Variants in PAPPA2 observed in about 807,000 individuals in gnomAD.
The protein encoded by PAPPA2 is pappalysin-2.
PAPPA2 carries 86 observed loss-of-function variants against 176.4 expected under a neutral mutation model. The ratio of observed to expected loss-of-function variants is 0.49; its 90% CI spans 0.41 to 0.58. The LOEUF is 0.58. Ranked by LOEUF, PAPPA2 falls within the 20% of genes least tolerant of loss-of-function variation. The pLI is 0.00. For missense variants in PAPPA2, 2,073 were observed against 2,256.9 expected (o/e 0.92, Z 1.65); for synonymous variants, 809 against 852.2 (o/e 0.95, Z 0.88).
At chr1:176,807,245 C>T (rs774385776) in intron 21 of PAPPA2, among the ~76,000 whole-genome samples, 7 of 152,124 alleles carry the variant, frequency 4.6e-5, no homozygotes, top group Non-Finnish European at 1.0e-4. Context: ...TCTCATAGAA[C>T]AGTGACAGGC....
chr1:176,675,170 G>T (rs1659225874), intron 4 of PAPPA2, among the ~76,000 whole-genome samples: 1 of 152,116 alleles, frequency 6.6e-6, no homozygotes, highest in African/African-American at 2.4e-5. Flanking sequence ...TTTGGAGGAA[G>T]TTTATCTGCC....
chr1:176,587,057 A>T lies in PAPPA2; in HGVS notation c.920-7467A>T, dbSNP rs138581832. Among the ~76,000 whole-genome samples the T allele has an allele frequency of 5.6e-3, 851 of 151,404 alleles. 13 individuals carry two copies. Among genetic ancestry groups the T allele is most frequent in the African/African-American group, 0.019 (797 of 41,310 alleles). ...GATCAGTGATGTTGAGCTTTTTTTC[A>T]TATGTTTGTTGGCCACTTAAATGTC... On this transcript the variant is annotated intron_variant, in intron 2 of 22. Transcript: ENST00000367662.
At chr1:176,613,919 A>G (rs1472349476) in intron 3 of PAPPA2, among the ~76,000 whole-genome samples, 2 of 152,200 alleles carry the variant, frequency 1.3e-5, no homozygotes, top group Non-Finnish European at 2.9e-5. Flanking sequence ...GTGACCAAAC[A>G]GCATCTCTTT....
chr1:176,480,109 G>A (rs993529359), intron 1 of PAPPA2, among the ~76,000 whole-genome samples: 2 of 152,142 alleles, frequency 1.3e-5, no homozygotes, highest in Admixed American at 6.5e-5. Context: ...GAAGCCGGCT[G>A]GTGGGGGAGG....
rs150851507 is a variant in PAPPA2 at position 176,614,361 on chromosome 1, G to C, written c.1991+18766G>C. 2.0e-3 allele frequency among the ~76,000 whole-genome samples: 307 copies of C among 152,296 alleles called. 3 individuals carry two copies. Among genetic ancestry groups the C allele is most frequent in the African/African-American group, 7.2e-3 (301 of 41,548 alleles). ...ATTGAAGCTAACTTAATTGGGCCACGTACTGTCTTGTAGCAGGATCTGGTG... is the reference window on the plus strand; with the variant it reads ...ATTGAAGCTAACTTAATTGGGCCACCTACTGTCTTGTAGCAGGATCTGGTG... On this transcript the variant is annotated intron_variant, in intron 3 of 22. Coordinates refer to ENST00000367662, the MANE Select transcript of PAPPA2 (RefSeq NM_020318.3).
intron 14 of PAPPA2, among the ~76,000 whole-genome samples, chr1:176,752,859 G>A (rs1454946403): frequency 2.6e-5 from 4 of 152,206 alleles, no homozygotes; most frequent in East Asian, 1.9e-4. Context: ...CTAGTGACAC[G>A]AAAGATGTCT....
intron 1 of PAPPA2, among the ~76,000 whole-genome samples, chr1:176,544,714 C>A (rs1024628175): frequency 6.6e-6 from 1 of 152,156 alleles, no homozygotes; most frequent in African/African-American, 2.4e-5. Context: ...TTGCTCTCCC[C>A]CAACTTTCAG....
chr1:176,829,152 C>T (rs1051783474), intron 21 of PAPPA2, among the ~76,000 whole-genome samples: 1 of 152,196 alleles, frequency 6.6e-6, no homozygotes, highest in Non-Finnish European at 1.5e-5. Context: ...GGCTTGTCAA[C>T]TGCTGTGCTT....
At chr1:176,605,415 G>A (rs180839517) in intron 3 of PAPPA2, among the ~76,000 whole-genome samples, 115 of 152,256 alleles carry the variant, frequency 7.6e-4, no homozygotes, top group African/African-American at 2.6e-3. Flanking sequence ...AGAGACTGTG[G>A]CATTCAGGAA....
intron 14 of PAPPA2, among the ~76,000 whole-genome samples, chr1:176,754,902 C>T (rs181168529): frequency 2.4e-3 from 368 of 152,280 alleles, no homozygotes; most frequent in African/African-American, 8.6e-3. Context: ...CATAGCACTG[C>T]AGGCAGAGGA....
At chr1:176,676,606 A>G (rs535044777) in intron 4 of PAPPA2, among the ~76,000 whole-genome samples, 1 of 152,250 alleles carries the variant, frequency 6.6e-6, no homozygotes, top group African/African-American at 2.4e-5. Context: ...AGGTTGAGAA[A>G]AGTATAGATG....
intron 1 of PAPPA2, among the ~76,000 whole-genome samples, chr1:176,551,986 A>G (rs1650981960): frequency 6.6e-6 from 1 of 152,134 alleles, no homozygotes; most frequent in Non-Finnish European, 1.5e-5. Context: ...GAAGCCTTGC[A>G]ATCGGATTTT....
At chr1:176,667,625 G>A (rs979580170) in intron 3 of PAPPA2, among the ~76,000 whole-genome samples, 11 of 152,160 alleles carry the variant, frequency 7.2e-5, no homozygotes, top group Non-Finnish European at 1.5e-4. Flanking sequence ...AAGAGGCAGT[G>A]CAGTCAGGCT....
intron 21 of PAPPA2, among the ~76,000 whole-genome samples, chr1:176,828,310 C>T (rs780672182): frequency 1.8e-4 from 28 of 152,114 alleles, no homozygotes; most frequent in Admixed American, 2.6e-4. Flanking sequence ...CCTTGTAGTA[C>T]ACACCACACA....
intron 2 of PAPPA2, among the ~76,000 whole-genome samples, chr1:176,573,644 T>C (rs552732377): frequency 6.6e-6 from 1 of 152,350 alleles, no homozygotes; most frequent in South Asian, 2.1e-4. Context: ...TATATTACTT[T>C]TTCAACTAAA....
In PAPPA2 at chr1:176,791,411, A is replaced by G; in HGVS notation, c.4949A>G (p.Gln1650Arg). 1 of 1,613,198 alleles carries G rather than the reference A, an allele frequency of 6.2e-7. No individual in the cohort carries two copies. Among genetic ancestry groups the G allele is most frequent in the Non-Finnish European group, 8.5e-7 (1 of 1,179,238 alleles). ...GAGTTTAAGTTGTGTGAGAATCTGC[A>G]AGGAGAATGCCCACCACCCCCCTCA... ...TQEFKLCENL[Q>R]GECPPPPSEL... is the part of the protein sequence containing the mutation. Residue 1650 changes from glutamine to arginine, a missense_variant, in exon 19 of 23, where the codon CAA (glutamine) becomes CGA (arginine). By Grantham distance (43) the Gln-to-Arg change is conservative (BLOSUM62 1). Around this residue, in one of 4 missense-constraint regions of PAPPA2, gnomAD observed 846 missense variants for 857.9 expected, o/e 0.99. Coordinates refer to ENST00000367662, the MANE Select transcript of PAPPA2 (RefSeq NM_020318.3).
chr1:176,505,662 GCAA>G (rs1042168425), intron 1 of PAPPA2, among the ~76,000 whole-genome samples: 9 of 151,652 alleles, frequency 5.9e-5, no homozygotes, highest in Admixed American at 3.3e-4. Context: ...ATATGGAACA[GCAA>G]CAACAACAAC....
intron 14 of PAPPA2, among the ~76,000 whole-genome samples, chr1:176,741,683 G>T (rs951265933): frequency 3.3e-5 from 5 of 152,136 alleles, no homozygotes; most frequent in Non-Finnish European, 5.9e-5. Flanking sequence ...TACATGCCAG[G>T]TATTGTTCTA....
chr1:176,784,039 G>C (rs1049133582), intron 17 of PAPPA2, among the ~76,000 whole-genome samples: 2 of 152,182 alleles, frequency 1.3e-5, no homozygotes, highest in African/African-American at 2.4e-5. Flanking sequence ...TGAAAACTTT[G>C]AATCTATGAA....
Sources: gnomAD v4.1 joint callset for allele counts (sites outside exome capture counted in the v4.1 genomes callset) on GRCh38, gnomAD v4.1.1 for gene constraint, gnomAD v4.1.1 regional missense constraint, MANE v1.5 for transcripts, NCBI Gene and HGNC (gene_info 2026-07-23, HGNC 2026-07-21) for gene names.